SGIP1: variants seen among roughly 807,000 people sequenced by gnomAD.
The protein encoded by SGIP1 is SH3-containing GRB2-like protein 3-interacting protein 1.
Under a neutral mutation model 107.5 loss-of-function variants are expected in SGIP1, and 38 were observed. The ratio of observed to expected loss-of-function variants is 0.35; its 90% CI spans 0.27 to 0.46. The LOEUF (loss-of-function observed/expected upper bound fraction) is 0.46. Among genes scored for constraint, SGIP1 ranks in the 20% least tolerant of loss-of-function variants. The probability of loss-of-function intolerance (pLI) is 1.00; values close to 1 mark genes in which losing one functional copy is unlikely to be tolerated. For synonymous variants in SGIP1, 365 were observed against 366.1 expected (o/e 1.00, Z 0.03); for missense variants, 929 against 1,019.5 (o/e 0.91, Z 1.21).
At position 66,745,668 on chromosome 1, in the gene SGIP1, G is replaced by A. The variant is rs1472545340; in HGVS notation, c.*2573G>A. 1 of 151,844 alleles carries A rather than the reference G, an allele frequency of 6.6e-6. No homozygotes were observed. Among genetic ancestry groups the A allele is most frequent in the Non-Finnish European group, 1.5e-5 (1 of 67,880 alleles). The allele number at this position is 151,844 out of a possible 1,614,324, so 9.4% of individuals were successfully genotyped here. A position where few individuals can be genotyped will look rare whatever the true frequency, so the allele number is the denominator to read the frequency against. Reference sequence around the variant, plus strand: ...TAATAAAACTATTTTCAGTACTAGGGGTTAAAACAAAAAGAAATTGTTCTA... The same window carrying A: ...TAATAAAACTATTTTCAGTACTAGGAGTTAAAACAAAAAGAAATTGTTCTA... On this transcript the variant is annotated 3_prime_UTR_variant, in exon 25 of 25. Transcript: ENST00000371037.
intron 7 of SGIP1, 107 bp downstream of exon 7, chr1:66,643,826 A>C (rs542523071): frequency 1.1e-6 from 1 of 950,434 alleles, no homozygotes; most frequent in South Asian, 2.5e-5. Flanking sequence ...AAGCCTGCAT[A>C]TGGTCACCAT....
At chr1:66,613,019 A>G (rs535582624) in intron 1 of SGIP1, among the ~76,000 whole-genome samples, 107 of 152,364 alleles carry the variant, frequency 7.0e-4, no homozygotes, top group African/African-American at 2.5e-3. Context: ...TTTGCATTTC[A>G]TAACTCAGAT....
chr1:66,714,503 C>T (rs536799666), intron 18 of SGIP1, among the ~76,000 whole-genome samples: 3 of 152,132 alleles, frequency 2.0e-5, no homozygotes, highest in Admixed American at 6.5e-5. Context: ...ATATTTGTGC[C>T]CTCACCATCT....
intron 1 of SGIP1, among the ~76,000 whole-genome samples, chr1:66,544,992 T>G (rs2056017874): frequency 6.6e-6 from 1 of 152,140 alleles, no homozygotes; most frequent in South Asian, 2.1e-4. Context: ...CCTCCTTCCT[T>G]CCTGTCCTAC....
chr1:66,630,868 A>AAAGG, intron 2 of SGIP1, among the ~76,000 whole-genome samples: 2 of 52,514 alleles, frequency 3.8e-5, no homozygotes, highest in Non-Finnish European at 7.1e-5. Flanking sequence ...AGAAAGAAAG[A>AAAGG]AAGAAAGAAA....
At chr1:66,558,885 C>T (rs2148409101) in intron 1 of SGIP1, among the ~76,000 whole-genome samples, 1 of 151,620 alleles carries the variant, frequency 6.6e-6, no homozygotes, top group African/African-American at 2.4e-5. Context: ...ATTCTAGAAT[C>T]CTACCATGCA....
chr1:66,665,133 C>G (rs1421074398), intron 8 of SGIP1, among the ~76,000 whole-genome samples: 1 of 152,130 alleles, frequency 6.6e-6, no homozygotes, highest in African/African-American at 2.4e-5. Context: ...ATCCACCACC[C>G]CACGACAGGT....
chr1:66,569,705 T>C (rs1048815082), intron 1 of SGIP1, among the ~76,000 whole-genome samples: 2 of 151,890 alleles, frequency 1.3e-5, no homozygotes, highest in African/African-American at 4.8e-5. Flanking sequence ...GGTCTGTAGT[T>C]TTCTTTTCCT....
At chr1:66,654,731 G>A (rs898221988) in intron 7 of SGIP1, among the ~76,000 whole-genome samples, 1 of 152,166 alleles carries the variant, frequency 6.6e-6, no homozygotes, top group Non-Finnish European at 1.5e-5. Context: ...CAGAATGAAG[G>A]TGATATTTCC....
chr1:66,554,245 A>T (rs1384480975), intron 1 of SGIP1, among the ~76,000 whole-genome samples: 2 of 152,194 alleles, frequency 1.3e-5, no homozygotes, highest in African/African-American at 4.8e-5. Context: ...GGTCAAGTAT[A>T]GACAGGAAGG....
At chr1:66,742,456 CTTTCTTTTTTTTTTT>C (rs1404075759) in intron 24 of SGIP1, among the ~76,000 whole-genome samples, 12 of 64,182 alleles carry the variant, frequency 1.9e-4, no homozygotes, top group African/African-American at 6.6e-4. Context: ...TATGAGCACC[CTTTCTTTTTTTTTTT>C]TTTTTTTTTT....
At chr1:66,589,202 A>G (rs373245071) in intron 1 of SGIP1, among the ~76,000 whole-genome samples, 1,592 of 52,572 alleles carry the variant, frequency 0.03, 126 homozygotes, top group African/African-American at 0.081. Context: ...ATATATATAT[A>G]TATATATATA....
At chr1:66,549,660 T>C (rs1383077406) in intron 1 of SGIP1, among the ~76,000 whole-genome samples, 1 of 152,158 alleles carries the variant, frequency 6.6e-6, no homozygotes, top group Non-Finnish European at 1.5e-5. Flanking sequence ...TGCATATCCT[T>C]GAGTCAGTGA....
At chr1:66,537,959 A>T (rs2054026424) in intron 1 of SGIP1, among the ~76,000 whole-genome samples, 1 of 152,132 alleles carries the variant, frequency 6.6e-6, no homozygotes, top group Non-Finnish European at 1.5e-5. Context: ...CTAATTGAAA[A>T]ATAGGCTGTA....
intron 1 of SGIP1, among the ~76,000 whole-genome samples, chr1:66,592,648 A>G (rs924144007): frequency 6.6e-6 from 1 of 152,186 alleles, no homozygotes; most frequent in Admixed American, 6.5e-5. Context: ...TTAGTGGTGT[A>G]CATTCTATAG....
intron 1 of SGIP1, among the ~76,000 whole-genome samples, chr1:66,564,267 G>A (rs775435061): frequency 2.2e-4 from 33 of 151,930 alleles, no homozygotes; most frequent in Non-Finnish European, 1.5e-5. Context: ...TGGCATACCT[G>A]GACTTGAACT....
intron 1 of SGIP1, among the ~76,000 whole-genome samples, chr1:66,579,435 G>T (rs1303417673): frequency 6.6e-6 from 1 of 152,164 alleles, no homozygotes; most frequent in African/African-American, 2.4e-5. Context: ...TAGAAAAAGA[G>T]ATCCACATGA....
intron 1 of SGIP1, among the ~76,000 whole-genome samples, chr1:66,565,542 G>A (rs1266868182): frequency 1.3e-5 from 2 of 151,900 alleles, no homozygotes; most frequent in Admixed American, 6.6e-5. Context: ...ACATGAAAAC[G>A]ATGAGGCAGT....
chr1:66,599,382 C>T (rs2065318886), intron 1 of SGIP1, among the ~76,000 whole-genome samples: 1 of 151,106 alleles, frequency 6.6e-6, no homozygotes, highest in African/African-American at 2.4e-5. Flanking sequence ...GTTTTAGTGA[C>T]TTGCCCAAAT....
Sources: gnomAD v4.1 joint callset for allele counts (sites outside exome capture counted in the v4.1 genomes callset) on GRCh38, gnomAD v4.1.1 for gene constraint, MANE v1.5 for transcripts, NCBI Gene and HGNC (gene_info 2026-07-23, HGNC 2026-07-21) for gene names.